The following USP25 variants were observed in gnomAD, a reference collection of about 807,000 sequenced individuals.
The protein encoded by USP25 is ubiquitin carboxyl-terminal hydrolase 25.
In USP25, 85 loss-of-function variants were observed where a neutral mutation model predicts 158.5. The ratio of observed to expected loss-of-function variants is 0.54; its 90% CI spans 0.45 to 0.64. USP25 has a LOEUF of 0.64. USP25 is among the 30% of genes least tolerant of loss of function. USP25 has a pLI of 0.00. For synonymous variants in USP25, 464 were observed against 460.4 expected (o/e 1.01, Z -0.10); for missense variants, 1,242 against 1,327.3 (o/e 0.94, Z 1.00).
intron 1 of USP25, among the ~76,000 whole-genome samples, chr21:15,752,789 G>A (rs1277912475): frequency 1.3e-5 from 2 of 152,166 alleles, no homozygotes; most frequent in African/African-American, 2.4e-5. Context: ...AAGCTTTAAT[G>A]GAAAGGGTAT....
intron 10 of USP25, among the ~76,000 whole-genome samples, chr21:15,823,309 G>C (rs2037328735): frequency 6.6e-6 from 1 of 151,550 alleles, no homozygotes; most frequent in Admixed American, 6.6e-5. Flanking sequence ...TAAAAATGTT[G>C]AATTTCATGC....
chr21:15,821,769 G>GT (rs1425503046), intron 10 of USP25, among the ~76,000 whole-genome samples: 1 of 151,834 alleles, frequency 6.6e-6, no homozygotes, highest in Non-Finnish European at 1.5e-5. Context: ...TGATAGGTGT[G>GT]TTTTTTCTGT....
At chr21:15,744,471 A>G (rs1296610674) in intron 1 of USP25, among the ~76,000 whole-genome samples, 3 of 151,682 alleles carry the variant, frequency 2.0e-5, no homozygotes, top group Non-Finnish European at 2.9e-5. Flanking sequence ...GACTACAGGT[A>G]CACGCCACCA....
rs1273824002 is a variant in USP25 at position 15,731,466 on chromosome 21, T to C, written c.45+1028T>C. 2.0e-5 allele frequency among the ~76,000 whole-genome samples: 3 copies of C among 152,194 alleles called. No individual in the cohort carries two copies. The East Asian group carries it at 5.8e-4, about 29-fold the overall frequency. On this transcript the variant is annotated intron_variant, in intron 1 of 25. Coordinates refer to ENST00000400183, the MANE Select transcript of USP25 (RefSeq NM_001283041.3). ...CACCCTGTTGTAGATTTGGTGTAGA[T>C]TGCAATATTCTACCTGTGCTTGACT...
chr21:15,791,964 C>T (rs1260134946), intron 5 of USP25, among the ~76,000 whole-genome samples: 1 of 151,530 alleles, frequency 6.6e-6, no homozygotes, highest in Admixed American at 6.6e-5. Context: ...TATATATTTC[C>T]CTGCAAATTT....
intron 4 of USP25, among the ~76,000 whole-genome samples, chr21:15,787,159 T>C (rs1600909697): frequency 6.6e-6 from 1 of 152,096 alleles, no homozygotes; most frequent in African/African-American, 2.4e-5. Flanking sequence ...GAAGAATTAA[T>C]GTTAAAATGG....
chr21:15,757,082 G>T (rs190308827), intron 1 of USP25, among the ~76,000 whole-genome samples: 246 of 152,148 alleles, frequency 1.6e-3, no homozygotes, highest in Admixed American at 4.8e-3. Flanking sequence ...AACAGACTAG[G>T]GTCTTAATCA....
chr21:15,814,211 T>G (rs1254435700), intron 9 of USP25, among the ~76,000 whole-genome samples: 1 of 150,830 alleles, frequency 6.6e-6, no homozygotes, highest in South Asian at 2.1e-4. Flanking sequence ...ATGTAAGAAG[T>G]GCCTTTTGCC....
At chr21:15,782,136 G>C (rs2035000782) in intron 4 of USP25, among the ~76,000 whole-genome samples, 1 of 152,238 alleles carries the variant, frequency 6.6e-6, no homozygotes, top group South Asian at 2.1e-4. Context: ...AGGGAAGCAG[G>C]TGGGCCTGCA....
At chr21:15,792,570 A>G (rs914114205) in intron 5 of USP25, among the ~76,000 whole-genome samples, 9 of 151,528 alleles carry the variant, frequency 5.9e-5, no homozygotes, top group Non-Finnish European at 1.0e-4. Flanking sequence ...TCATTTTGTA[A>G]CTTTCCAAAC....
At chr21:15,810,327 C>G (rs1412294507) in intron 8 of USP25, among the ~76,000 whole-genome samples, 1 of 151,956 alleles carries the variant, frequency 6.6e-6, no homozygotes, top group Non-Finnish European at 1.5e-5. Context: ...ATGGTATCCC[C>G]TCTCTCCCTT....
intron 20 of USP25, among the ~76,000 whole-genome samples, chr21:15,862,571 GT>G (rs369492534): frequency 1.0e-3 from 128 of 127,842 alleles, no homozygotes; most frequent in African/African-American, 1.6e-3. Flanking sequence ...CCCCTTCCCC[GT>G]TTTTTTTTTT....
rs139478029 is a variant in USP25 at position 15,805,543 on chromosome 21, G to T, written c.780+285G>T. Reference sequence around the variant, plus strand: ...ATGTTCACAAATGTGTGATAACAGAGGATCATTATAGTACACATGCTTTTG... The same window carrying T: ...ATGTTCACAAATGTGTGATAACAGATGATCATTATAGTACACATGCTTTTG... On this transcript the variant is annotated intron_variant, in intron 7 of 25. Transcript: ENST00000400183. The T allele has an allele frequency of 7.8e-4, 168 of 216,758 alleles. 1 individual carries two copies. Among genetic ancestry groups the T allele is most frequent in the East Asian group, 4.3e-3 (42 of 9,880 alleles). 13.4% of individuals were successfully genotyped at this position (216,758 alleles called of 1,614,324 possible).
At chr21:15,811,373 TTGAA>T (rs2036654489) in intron 9 of USP25, among the ~76,000 whole-genome samples, 163 bp downstream of exon 9, 1 of 152,232 alleles carries the variant, frequency 6.6e-6, no homozygotes, top group Non-Finnish European at 1.5e-5. Context: ...AAGCACAGAA[TTGAA>T]TGAAGGAAAA....
At chr21:15,803,699 C>T (rs144744513) in intron 6 of USP25, among the ~76,000 whole-genome samples, 39 of 151,824 alleles carry the variant, frequency 2.6e-4, no homozygotes, top group African/African-American at 7.5e-4. Context: ...GACTTAGGTG[C>T]GGTGATAAAG....
At chr21:15,860,969 T>G (rs112236424) in intron 20 of USP25, among the ~76,000 whole-genome samples, 4,201 of 141,170 alleles carry the variant, frequency 0.03, 158 homozygotes, top group African/African-American at 0.089. Flanking sequence ...TATATATATA[T>G]ATATATAGAG....
intron 5 of USP25, among the ~76,000 whole-genome samples, chr21:15,797,863 A>G (rs995136059): frequency 4.6e-5 from 7 of 151,308 alleles, no homozygotes; most frequent in African/African-American, 1.2e-4. Flanking sequence ...GAACACATTC[A>G]TATAACTTTT....
chr21:15,857,937 A>G (rs752062629), intron 20 of USP25, among the ~76,000 whole-genome samples: 1 of 152,062 alleles, frequency 6.6e-6, no homozygotes, highest in Non-Finnish European at 1.5e-5. Flanking sequence ...GACTTGACAC[A>G]TATACTAAAT....
At chr21:15,783,650 G>C (rs1245308754) in intron 4 of USP25, among the ~76,000 whole-genome samples, 3 of 152,022 alleles carry the variant, frequency 2.0e-5, no homozygotes, top group Non-Finnish European at 4.4e-5. Flanking sequence ...ATCCGGCAGT[G>C]CTATCCTTAA....
Sources: allele counts gnomAD v4.1 joint callset (sites outside exome capture counted in the v4.1 genomes callset), GRCh38; gene constraint gnomAD v4.1.1; transcripts MANE v1.5; gene names NCBI Gene and HGNC (gene_info 2026-07-23, HGNC 2026-07-21).